The following PTGIR variants were observed in gnomAD, a reference collection of about 807,000 sequenced individuals.
PTGIR encodes the protein prostaglandin I2 receptor.
PTGIR carries 16 observed loss-of-function variants against 17.6 expected under a neutral mutation model. The ratio of observed to expected loss-of-function variants is 0.91; its 90% CI spans 0.61 to 1.38. PTGIR has a LOEUF of 1.38. Among genes scored for constraint, PTGIR ranks in the 40% most tolerant of loss-of-function variants. The pLI is 0.00. For missense variants in PTGIR, 532 were observed against 548.6 expected (o/e 0.97, Z 0.30); for synonymous variants, 274 against 255.4 (o/e 1.07, Z -0.69).
downstream of PTGIR, among the ~76,000 whole-genome samples, chr19:46,616,086 G>A (rs542694463): frequency 1.1e-4 from 16 of 152,248 alleles, no homozygotes; most frequent in East Asian, 2.9e-3. Flanking sequence ...ACAGGTGTGA[G>A]CCACTGCGCA....
chr19:46,616,373 G>A (rs1277896886), downstream of PTGIR, among the ~76,000 whole-genome samples: 6 of 113,978 alleles, frequency 5.3e-5, no homozygotes, highest in South Asian at 3.0e-4. Flanking sequence ...TCACTCTGTC[G>A]CCCAGGCTGG....
At chr19:46,618,608 T>G (rs556889468), downstream of PTGIR, among the ~76,000 whole-genome samples, 1 of 152,356 alleles carries the variant, frequency 6.6e-6, no homozygotes, top group Non-Finnish European at 1.5e-5. Flanking sequence ...CTACTTACTT[T>G]ATTTTTTAAA....
chr19:46,623,929 C>T lies in PTGIR; in HGVS notation c.297G>A (p.Met99Ile). Residue 99 changes from methionine (M) to isoleucine (I), a missense_variant, in exon 2 of 3, where the codon ATG becomes ATA. By Grantham distance (10) the Met-to-Ile change is conservative. Coordinates refer to ENST00000291294, the MANE Select transcript of PTGIR (RefSeq NM_000960.4). ...PALCDAFAFA[M>I]TFFGLASMLI... is the part of the protein sequence containing the mutation. ...GCATGGACGCCAGGCCGAAGAAGGT[C>T]ATGGCGAAGGCGAAGGCATCGCACA... The T allele has an allele frequency of 6.2e-7, 1 of 1,602,140 alleles. No individual in the cohort carries two copies. The highest frequency in any genetic ancestry group is 8.5e-7 in the Non-Finnish European group (1 of 1,173,898).
In PTGIR at chr19:46,621,505, G is replaced by A. The variant is rs148640199; in HGVS notation, c.936C>T (p.Leu312=). Residue 312 remains leucine (L), a synonymous_variant, in exon 3 of 3, where the codon CTC becomes CTT. Transcript: ENST00000291294. This position sits in a 1 kb window ranked among gnomAD's most constrained non-coding sequence, Gnocchi z 4.8. ...RLKLWVCCLC[L]GPAHGDSQTP... The stretch of plus-strand genomic sequence containing the variant: ...TCTGCGAGTCTCCGTGGGCAGGCCC[G>A]AGGCACAGGCAGCAGACCCAGAGCT... 5.0e-6 allele frequency: 8 copies of A among 1,614,216 alleles called. No individual in the cohort carries two copies. The highest frequency in any genetic ancestry group is 4.5e-5 in the East Asian group (2 of 44,880).
rs1191797617 is a variant in PTGIR at position 46,623,486 on chromosome 19, A to G, written c.740T>C (p.Val247Ala). The G allele has an allele frequency of 5.1e-6, 8 of 1,578,074 alleles. No individual in the cohort carries two copies. Among genetic ancestry groups the G allele is most frequent in the Non-Finnish European group, 6.9e-6 (8 of 1,160,836 alleles). ...HLILLALMTV[V>A]MAVCSLPLTI... ...GAGAGGCAGGGAGCACACGGCCATG[A>G]CCACTGTCATGAGGGCCAGCAGGAT... Residue 247 changes from valine (V) to alanine (A), a missense_variant, in exon 2 of 3, where the codon GTC becomes GCC. Coordinates refer to ENST00000291294, the MANE Select transcript of PTGIR (RefSeq NM_000960.4).
rs2122355517 is a variant in PTGIR at position 46,624,047 on chromosome 19, T to C, written c.179A>G (p.Asp60Gly). 6.5e-7 allele frequency: 1 copy of C among 1,537,374 alleles called. No individual in the cohort carries two copies. Among genetic ancestry groups the C allele is most frequent in the East Asian group, 2.4e-5 (1 of 40,858 alleles). Reference sequence around the variant, plus strand: ...GCTCAGGAAGCTGGTGCCCAGCAGGTCGGTGGCCGCCAGTCCGGTCACCAG... The same window carrying C: ...GCTCAGGAAGCTGGTGCCCAGCAGGCCGGTGGCCGCCAGTCCGGTCACCAG... ...AVLVTGLAAT[D>G]LLGTSFLSPA... The change falls in exon 2 of 3, where the codon GAC becomes GGC. Residue 60 changes from aspartate (D) to glycine (G), a missense_variant. Transcript: ENST00000291294.
chr19:46,621,337 G>A lies in PTGIR; in HGVS notation c.1104C>T (p.Gly368=), dbSNP rs372872311. ...CTTTGGACGACGTTCCCACGGCGCT[G>A]CCGCTGGACTGCTGTGTGGGAGGCA... The part of the protein sequence containing the change: ...EPLPPTQQSS[G]SAVGTSSKAE... The change falls in exon 3 of 3, where the codon GGC becomes GGT. Residue 368 remains glycine (G), a synonymous_variant. Coordinates refer to ENST00000291294, the MANE Select transcript of PTGIR (RefSeq NM_000960.4). The surrounding 1 kb of genome is among the most constrained non-coding windows in gnomAD (Gnocchi z 4.8). 7 of 1,528,740 alleles carry A rather than the reference G, an allele frequency of 4.6e-6. No individual in the cohort carries two copies. Among genetic ancestry groups the A allele is most frequent in the Middle Eastern group, 1.8e-4 (1 of 5,680 alleles). The allele number at this position is 1,528,740 out of a possible 1,614,324, so 94.7% of individuals were successfully genotyped here.
chr19:46,623,174 T>C, intron 2 of PTGIR: 1 of 276,450 alleles, frequency 3.6e-6, no homozygotes, highest in Non-Finnish European at 6.7e-6. Flanking sequence ...TTGTTGTATT[T>C]TTAGTAGAGA....
chr19:46,619,571 G>GAAA (rs1972018635), downstream of PTGIR, among the ~76,000 whole-genome samples: 1 of 119,312 alleles, frequency 8.4e-6, no homozygotes, highest in African/African-American at 3.4e-5. Flanking sequence ...GAGAGAGAGA[G>GAAA]AGAGAGAGAG....
In PTGIR at chr19:46,621,901, G is replaced by GT. The variant is rs1434526493; in HGVS notation, c.769-230dup. 4 of 1,325,856 alleles carry GT rather than the reference G, an allele frequency of 3.0e-6. No individual in the cohort carries two copies. The highest frequency in any genetic ancestry group is 3.8e-6 in the Non-Finnish European group (4 of 1,040,442). The allele number at this position is 1,325,856 out of a possible 1,614,324, so 82.1% of individuals were successfully genotyped here. A position where few individuals can be genotyped will look rare whatever the true frequency, so the allele number is the denominator to read the frequency against. On this transcript the variant is annotated intron_variant, in intron 2 of 2. Coordinates refer to ENST00000291294, the MANE Select transcript of PTGIR (RefSeq NM_000960.4). This position sits in a 1 kb window ranked among gnomAD's most constrained non-coding sequence, Gnocchi z 4.8. ...AGAGGGATGGGGGCCAGGTATGTGG[G>GT]TCCCCCCACCCTTGGAAGCTGGGAG...
chr19:46,622,071 C>A (rs1424454192), intron 2 of PTGIR: 7 of 985,280 alleles, frequency 7.1e-6, no homozygotes, highest in African/African-American at 1.7e-5. Flanking sequence ...GTCAGAGTAA[C>A]CCCCAAAAAA....
the PTGIR span, among the ~76,000 whole-genome samples, chr19:46,614,163 T>C: frequency 6.6e-6 from 1 of 152,148 alleles, no homozygotes; most frequent in Non-Finnish European, 1.5e-5. Flanking sequence ...AAACCTGTCC[T>C]GAGAAAGTGA....
chr19:46,615,900 C>G (rs1971955676), downstream of PTGIR, among the ~76,000 whole-genome samples: 1 of 151,860 alleles, frequency 6.6e-6, no homozygotes, highest in Non-Finnish European at 1.5e-5. Context: ...CTCCCGGACC[C>G]AAGCAATCCT....
In PTGIR at chr19:46,620,665, C is replaced by G. The variant is rs191409361; in HGVS notation, c.*615G>C. On this transcript the variant is annotated 3_prime_UTR_variant, in exon 3 of 3. Coordinates refer to ENST00000291294, the MANE Select transcript of PTGIR (RefSeq NM_000960.4). ...CAAGCTAGGTGGAATGTCTCAGGCC[C>G]TTTTTGTACCAAGCACATGTCCTAC... 2.8e-5 allele frequency: 28 copies of G among 985,996 alleles called. No homozygotes were observed. In the African/African-American group the frequency reaches 4.5e-4, roughly 16 times the overall value. 61.1% of individuals were successfully genotyped at this position (985,996 alleles called of 1,614,324 possible). A position where few individuals can be genotyped will look rare whatever the true frequency, so the allele number is the denominator to read the frequency against.
At chr19:46,616,675 G>C (rs1258967921), downstream of PTGIR, among the ~76,000 whole-genome samples, 1 of 152,130 alleles carries the variant, frequency 6.6e-6, no homozygotes, top group Non-Finnish European at 1.5e-5. Flanking sequence ...CTAAACCTCA[G>C]GTCCCCGCTC....
At position 46,621,265 on chromosome 19, in the gene PTGIR, G is replaced by A. The variant is rs201416097; in HGVS notation, c.*15C>T. The A allele has an allele frequency of 6.7e-7, 1 of 1,501,324 alleles. No homozygotes were observed. The highest frequency in any genetic ancestry group is 8.9e-7 in the Non-Finnish European group (1 of 1,124,052). 93.0% of individuals were successfully genotyped at this position (1,501,324 alleles called of 1,614,324 possible). ...CCCGAAGACAGGGCAGAGATCACAG[G>A]GTCAGCTTGAAATGTCAGCAGAGGG... On this transcript the variant is annotated 3_prime_UTR_variant, in exon 3 of 3. Transcript: ENST00000291294. This position sits in a 1 kb window ranked among gnomAD's most constrained non-coding sequence, Gnocchi z 4.8.
chr19:46,619,117 C>T (rs1311406029), downstream of PTGIR, among the ~76,000 whole-genome samples: 1 of 152,098 alleles, frequency 6.6e-6, no homozygotes, highest in Non-Finnish European at 1.5e-5. Flanking sequence ...GATAGACGGG[C>T]CTGCTCCAAG....
downstream of PTGIR, among the ~76,000 whole-genome samples, chr19:46,615,554 G>A (rs188541624): frequency 6.6e-6 from 1 of 152,132 alleles, no homozygotes; most frequent in South Asian, 2.1e-4. Flanking sequence ...CACCCAGGCT[G>A]GAGTGCAGTA....
rs368827801 is a variant in PTGIR at position 46,624,101 on chromosome 19, C to T, written c.125G>A (p.Arg42Gln). Residue 42 changes from arginine (R) to glutamine (Q), a missense_variant, in exon 2 of 3, where the codon CGA (arginine) becomes CAA (glutamine). Transcript: ENST00000291294. ...GLALGILSAR[R>Q]PARPSAFAVL... ...CGCGAAGGCCGAGGGGCGCGCCGGT[C>T]GCCGTGCGCTCAGGATGCCCAGGGC... 5.4e-5 allele frequency: 83 copies of T among 1,539,238 alleles called. No homozygotes were observed. Among genetic ancestry groups the T allele is most frequent in the Middle Eastern group, 5.4e-4 (3 of 5,606 alleles).
Sources: gnomAD v4.1 joint callset for allele counts (sites outside exome capture counted in the v4.1 genomes callset) on GRCh38, gnomAD v4.1.1 for gene constraint, Gnocchi (gnomAD v3.1) non-coding constraint, MANE v1.5 for transcripts, NCBI Gene and HGNC (gene_info 2026-07-23, HGNC 2026-07-21) for gene names.